Variants in GALNT13 observed in about 807,000 individuals in gnomAD.
GALNT13 encodes polypeptide N-acetylgalactosaminyltransferase 13, also known as UDP-GalNAc:polypeptide N-acetylgalactosaminyltransferase 13.
GALNT13 carries 28 observed loss-of-function variants against 64.2 expected under a neutral mutation model. That is an observed-to-expected ratio of 0.44 (90% CI 0.32 to 0.60). The LOEUF is 0.60. GALNT13 is among the 20% of genes least tolerant of loss of function. The pLI, the probability that GALNT13 is intolerant of heterozygous loss-of-function variation, is 0.05. For missense variants in GALNT13, 577 were observed against 669.8 expected (o/e 0.86, Z 1.53); for synonymous variants, 214 against 224.6 (o/e 0.95, Z 0.42).
chr2:153,836,212 T>C, the GALNT13 span, among the ~76,000 whole-genome samples: 2 of 152,050 alleles, frequency 1.3e-5, no homozygotes, highest in Admixed American at 1.3e-4. Flanking sequence ...AGAAAATGTT[T>C]TTATTGTATA....
the GALNT13 span, among the ~76,000 whole-genome samples, chr2:153,399,298 G>A: frequency 0.022 from 3,390 of 152,114 alleles, 115 homozygotes; most frequent in African/African-American, 0.076. Context: ...TGTTTTGGTG[G>A]CAGTACCACG....
At chr2:153,929,896 G>A (rs1354610950) in intron 2 of GALNT13, among the ~76,000 whole-genome samples, 2 of 151,882 alleles carry the variant, frequency 1.3e-5, no homozygotes, top group Non-Finnish European at 2.9e-5. Context: ...ATGGTAGTTC[G>A]GTTTTAAGCT....
the GALNT13 span, among the ~76,000 whole-genome samples, chr2:153,494,887 A>G: frequency 6.6e-6 from 1 of 152,092 alleles, no homozygotes; most frequent in South Asian, 2.1e-4. Context: ...TAAGAAGACC[A>G]GAGACCTAAT....
At chr2:153,156,173 T>C in the GALNT13 span, among the ~76,000 whole-genome samples, 1 of 152,228 alleles carries the variant, frequency 6.6e-6, no homozygotes, top group East Asian at 1.9e-4. Flanking sequence ...GATTTTACAG[T>C]AAGGGCCATG....
intron 4 of GALNT13, among the ~76,000 whole-genome samples, chr2:154,153,258 C>T (rs1363861585): frequency 9.2e-5 from 14 of 151,870 alleles, no homozygotes; most frequent in Admixed American, 9.2e-4. Flanking sequence ...TTTTCATGAA[C>T]CGCGAATGCT....
chr2:153,501,343 AT>A, the GALNT13 span, among the ~76,000 whole-genome samples: 1 of 150,476 alleles, frequency 6.6e-6, no homozygotes, highest in Non-Finnish European at 1.5e-5. Context: ...TTTTATTTTT[AT>A]TTTTTGAGAT....
At chr2:153,819,021 C>T in the GALNT13 span, among the ~76,000 whole-genome samples, 3 of 152,120 alleles carry the variant, frequency 2.0e-5, no homozygotes, top group South Asian at 2.1e-4. Flanking sequence ...CATTCTCCAG[C>T]GGGCCATGTA....
the GALNT13 span, among the ~76,000 whole-genome samples, chr2:153,764,506 A>G: frequency 8.6e-3 from 1,304 of 152,290 alleles, 58 homozygotes; most frequent in East Asian, 0.13. Context: ...ATTGCACTAC[A>G]GCCTGGGCTA....
chr2:153,166,920 T>C, the GALNT13 span, among the ~76,000 whole-genome samples: 1 of 152,208 alleles, frequency 6.6e-6, no homozygotes, highest in East Asian at 1.9e-4. Context: ...TGCAAGGAAC[T>C]GAATTCTACC....
chr2:153,741,043 C>CTGTCATTTAA, the GALNT13 span, among the ~76,000 whole-genome samples: 1 of 152,152 alleles, frequency 6.6e-6, no homozygotes, highest in Non-Finnish European at 1.5e-5. Context: ...CCATTGTTTT[C>CTGTCATTTAA]TGTCATTTAA....
chr2:154,124,909 G>A (rs2105526946), intron 3 of GALNT13, among the ~76,000 whole-genome samples: 1 of 152,138 alleles, frequency 6.6e-6, no homozygotes, highest in East Asian at 1.9e-4. Context: ...ACATCAAAAG[G>A]AATACTACAT....
the GALNT13 span, among the ~76,000 whole-genome samples, chr2:153,314,696 C>T: frequency 6.8e-6 from 1 of 147,250 alleles, no homozygotes; most frequent in Non-Finnish European, 1.5e-5. Context: ...AAAGAAGAAA[C>T]CACAGGGAAA....
At chr2:153,820,552 G>A in the GALNT13 span, among the ~76,000 whole-genome samples, 1 of 152,212 alleles carries the variant, frequency 6.6e-6, no homozygotes, top group African/African-American at 2.4e-5. Flanking sequence ...TTACAAAACA[G>A]AAGAGATTAA....
chr2:154,405,321 A>C (rs768019261), intron 10 of GALNT13, among the ~76,000 whole-genome samples: 1 of 152,140 alleles, frequency 6.6e-6, no homozygotes, highest in African/African-American at 2.4e-5. Flanking sequence ...TAGAAAAGAA[A>C]AAGGAGCAAC....
the GALNT13 span, among the ~76,000 whole-genome samples, chr2:153,546,798 G>GTA: frequency 6.6e-6 from 1 of 152,012 alleles, no homozygotes. Flanking sequence ...TATTAAAGAA[G>GTA]TACTGAAGGT....
intron 3 of GALNT13, among the ~76,000 whole-genome samples, chr2:154,041,004 A>G (rs760614623): frequency 2.1e-5 from 3 of 140,056 alleles, no homozygotes; most frequent in Non-Finnish European, 4.9e-5. Context: ...AAACACATAT[A>G]CAAAGTTTAG....
At chr2:154,329,043 T>G (rs1695027355) in intron 9 of GALNT13, among the ~76,000 whole-genome samples, 1 of 152,172 alleles carries the variant, frequency 6.6e-6, no homozygotes, top group Non-Finnish European at 1.5e-5. Context: ...TACTTTGTAC[T>G]ACTACTTTGT....
chr2:154,167,453 T>G (rs1196089226), intron 4 of GALNT13, among the ~76,000 whole-genome samples: 1 of 152,192 alleles, frequency 6.6e-6, no homozygotes, highest in African/African-American at 2.4e-5. Context: ...TATTCGAATA[T>G]TTGAAAGGCT....
chr2:153,937,438 A>G (rs549332124), intron 2 of GALNT13, among the ~76,000 whole-genome samples: 4 of 152,368 alleles, frequency 2.6e-5, no homozygotes, highest in Admixed American at 6.5e-5. Context: ...AGGAAAATTC[A>G]TAGCCAATAA....
Sources: gnomAD v4.1 joint callset for allele counts (sites outside exome capture counted in the v4.1 genomes callset) on GRCh38, gnomAD v4.1.1 for gene constraint, MANE v1.5 for transcripts, NCBI Gene and HGNC (gene_info 2026-07-23, HGNC 2026-07-21) for gene names.